The following PRKG1 variants were observed in gnomAD, a reference collection of about 807,000 sequenced individuals.
PRKG1 encodes the protein protein kinase cGMP-dependent 1.
A neutral mutation model predicts 88.1 loss-of-function variants in PRKG1; 35 were observed. That is an observed-to-expected ratio of 0.40 (90% CI 0.30 to 0.53). PRKG1 has a LOEUF of 0.53. Ranked by LOEUF, PRKG1 falls within the 20% of genes least tolerant of loss-of-function variation. PRKG1 has a pLI of 0.59. For missense variants in PRKG1, 540 were observed against 839.8 expected, an observed-to-expected ratio of 0.64 and a Z score of 4.41; for synonymous variants, 303 against 292.5, an observed-to-expected ratio of 1.04 and a Z score of -0.37.
At chr10:51,498,523 G>A (rs544726895) in intron 3 of PRKG1, among the ~76,000 whole-genome samples, 128 of 152,300 alleles carry the variant, frequency 8.4e-4, no homozygotes, top group African/African-American at 2.9e-3. Flanking sequence ...ATTCATATGT[G>A]TAATTAGCTA....
chr10:51,482,962 C>G (rs1254701752), intron 3 of PRKG1, among the ~76,000 whole-genome samples: 2 of 150,734 alleles, frequency 1.3e-5, no homozygotes, highest in Middle Eastern at 3.5e-3. Flanking sequence ...TTAATTACCT[C>G]ATAACTTTAG....
At chr10:52,281,989 A>T (rs1411320934) in intron 13 of PRKG1, among the ~76,000 whole-genome samples, 164 bp from the exon 14 acceptor site, 2 of 152,130 alleles carry the variant, frequency 1.3e-5, no homozygotes, top group Non-Finnish European at 2.9e-5. Flanking sequence ...GAGGTGCATC[A>T]GGGAGACTGT....
At chr10:52,151,080 T>A (rs1837900768) in intron 8 of PRKG1, among the ~76,000 whole-genome samples, 1 of 152,158 alleles carries the variant, frequency 6.6e-6, no homozygotes, top group South Asian at 2.1e-4. Context: ...AGCCTGAAAT[T>A]TTTAAAAACA....
intron 5 of PRKG1, among the ~76,000 whole-genome samples, chr10:52,044,365 T>C (rs573158901): frequency 6.6e-6 from 1 of 152,280 alleles, no homozygotes; most frequent in Admixed American, 6.5e-5. Flanking sequence ...TTTACTTAAA[T>C]GGAGATTATA....
At chr10:51,587,071 T>C (rs1284617308) in intron 3 of PRKG1, among the ~76,000 whole-genome samples, 1 of 152,158 alleles carries the variant, frequency 6.6e-6, no homozygotes, top group Non-Finnish European at 1.5e-5. Context: ...CCTTTAATAT[T>C]CACTTATTAA....
intron 1 of PRKG1, among the ~76,000 whole-genome samples, chr10:51,141,518 T>C (rs900931647): frequency 6.6e-6 from 1 of 152,206 alleles, no homozygotes; most frequent in African/African-American, 2.4e-5. Context: ...AAACCGTCAA[T>C]CACTATTGCC....
intron 2 of PRKG1, among the ~76,000 whole-genome samples, chr10:51,386,939 G>A (rs1837267457): frequency 6.6e-6 from 1 of 151,878 alleles, no homozygotes; most frequent in Admixed American, 6.6e-5. Flanking sequence ...AAAACTGTTG[G>A]GATTTACAAA....
intron 1 of PRKG1, among the ~76,000 whole-genome samples, chr10:51,148,996 C>A (rs1846002298): frequency 6.6e-6 from 1 of 152,088 alleles, no homozygotes; most frequent in Non-Finnish European, 1.5e-5. Flanking sequence ...CCTCAGTGAT[C>A]TTATTCTCCC....
chr10:51,634,455 C>T (rs999919343), intron 3 of PRKG1, among the ~76,000 whole-genome samples: 1 of 152,048 alleles, frequency 6.6e-6, no homozygotes, highest in Non-Finnish European at 1.5e-5. Context: ...CAGGTTTAGA[C>T]CAGGGAAGAT....
At chr10:51,740,926 C>T (rs1162036580) in intron 3 of PRKG1, among the ~76,000 whole-genome samples, 1 of 128,556 alleles carries the variant, frequency 7.8e-6, no homozygotes, top group East Asian at 2.0e-4. Flanking sequence ...TGTCCCAAAA[C>T]TGAAAAAAAA....
chr10:51,828,048 T>C (rs554861007), intron 4 of PRKG1, among the ~76,000 whole-genome samples: 11 of 152,146 alleles, frequency 7.2e-5, no homozygotes, highest in Non-Finnish European at 1.6e-4. Context: ...GAAAAGTCAG[T>C]AATGACTAAT....
intron 2 of PRKG1, among the ~76,000 whole-genome samples, chr10:51,200,910 G>C (rs1023131334): frequency 6.6e-6 from 1 of 152,142 alleles, no homozygotes; most frequent in African/African-American, 2.4e-5. Context: ...CTACAGCTCA[G>C]AGATTCTCTT....
chr10:51,867,158 G>A (rs1841036406), intron 4 of PRKG1, among the ~76,000 whole-genome samples: 1 of 152,158 alleles, frequency 6.6e-6, no homozygotes, highest in Admixed American at 6.6e-5. Context: ...GAAGTAGAAT[G>A]CACAGAGGTT....
chr10:51,135,930 A>C (rs1336104477), intron 1 of PRKG1, among the ~76,000 whole-genome samples: 3 of 136,532 alleles, frequency 2.2e-5, no homozygotes, highest in African/African-American at 8.1e-5. Flanking sequence ...AGCCATGGAC[A>C]CAGGAAGGGG....
chr10:51,545,167 T>C (rs1589063921), intron 3 of PRKG1, among the ~76,000 whole-genome samples: 2 of 151,944 alleles, frequency 1.3e-5, no homozygotes, highest in East Asian at 3.9e-4. Context: ...TCAAACCTAA[T>C]AAAAAAATTG....
chr10:51,308,319 T>C (rs910829476), intron 2 of PRKG1, among the ~76,000 whole-genome samples: 1 of 152,154 alleles, frequency 6.6e-6, no homozygotes, highest in Non-Finnish European at 1.5e-5. Context: ...TGTTTCACTA[T>C]TTAGTCTCTG....
chr10:52,136,781 G>A (rs1837435351), intron 8 of PRKG1, among the ~76,000 whole-genome samples: 1 of 152,028 alleles, frequency 6.6e-6, no homozygotes, highest in South Asian at 2.1e-4. Context: ...GAAGGCATAG[G>A]ATTCCCTTGG....
At chr10:51,105,359 A>T (rs1275059612) in intron 1 of PRKG1, among the ~76,000 whole-genome samples, 1 of 152,216 alleles carries the variant, frequency 6.6e-6, no homozygotes, top group Non-Finnish European at 1.5e-5. Flanking sequence ...GTGTAATTTT[A>T]AAAATCTCTA....
intron 4 of PRKG1, among the ~76,000 whole-genome samples, chr10:51,860,825 T>C (rs144126065): frequency 4.6e-4 from 70 of 152,222 alleles, no homozygotes; most frequent in African/African-American, 1.5e-3. Flanking sequence ...GGAGGCAGAA[T>C]AATGGAAAGC....
Sources: allele counts gnomAD v4.1 joint callset (sites outside exome capture counted in the v4.1 genomes callset), GRCh38; gene constraint gnomAD v4.1.1; transcripts MANE v1.5; gene names NCBI Gene and HGNC (gene_info 2026-07-23, HGNC 2026-07-21).